TXNDC15: variants seen among roughly 807,000 people sequenced by gnomAD.
TXNDC15 encodes thioredoxin domain-containing protein 15.
A neutral mutation model predicts 35.0 loss-of-function variants in TXNDC15; 24 were observed. The observed-to-expected ratio is 0.68, with a 90% CI of 0.50 to 0.96. The LOEUF is 0.96. Among genes scored for constraint, TXNDC15 ranks in the 40% least tolerant of loss-of-function variants. The pLI, the probability that TXNDC15 is intolerant of heterozygous loss-of-function variation, is 0.00. For missense variants in TXNDC15, 385 were observed against 453.3 expected, an observed-to-expected ratio of 0.85 and a Z score of 1.37; for synonymous variants, 169 against 174.0, an observed-to-expected ratio of 0.97 and a Z score of 0.23.
Position 134,888,111 on chromosome 5 carries a change from A to C in TXNDC15, c.520A>C (p.Lys174Gln). 1 of 1,614,188 alleles carries C rather than the reference A, an allele frequency of 6.2e-7. No individual in the cohort carries two copies. Among genetic ancestry groups the C allele is most frequent in the Non-Finnish European group, 8.5e-7 (1 of 1,180,016 alleles). Residue 174 changes from lysine (K) to glutamine (Q), a missense_variant, in exon 2 of 5, where the codon AAG becomes CAG. Transcript: ENST00000358387. Reference sequence around the variant, plus strand: ...TAACACTGAAAGTCTGAAATCCCCAAAGGTGAACTGTGAGGAGAGAAACAT... The same window carrying C: ...TAACACTGAAAGTCTGAAATCCCCACAGGTGAACTGTGAGGAGAGAAACAT... ...SNNTESLKSP[K>Q]VNCEERNITG...
chr5:134,876,732 G>GTT lies in TXNDC15; in HGVS notation c.103+2219_103+2220dup, dbSNP rs532547885. On this transcript the variant is annotated intron_variant, in intron 1 of 4. Coordinates refer to ENST00000358387, the MANE Select transcript of TXNDC15 (RefSeq NM_024715.4). ...CTCAGAGTAGCTGAAAATCTGAGGTGTTTTTTTTTTTTTTTTTTCTGCAGA... is the reference window on the plus strand; with the variant it reads ...CTCAGAGTAGCTGAAAATCTGAGGTGTTTTTTTTTTTTTTTTTTTTCTGCAGA... Among the ~76,000 whole-genome samples, 48 of 131,012 alleles carry GTT rather than the reference G, an allele frequency of 3.7e-4. 1 individual carries two copies. Among genetic ancestry groups the GTT allele is most frequent in the South Asian group, 4.9e-4 (2 of 4,086 alleles). The allele number at this position is 131,012 out of a possible 152,430, so 85.9% of individuals were successfully genotyped here.
chr5:134,888,279 C>T, intron 2 of TXNDC15, 97 bp downstream of exon 2: 1 of 1,261,540 alleles, frequency 7.9e-7, no homozygotes, highest in East Asian at 2.4e-5. Context: ...TGATCTTGAT[C>T]ATATTGTAAG....
chr5:134,893,669 G>T lies in TXNDC15; in HGVS notation c.755+14G>T, dbSNP rs759242703. ...TCAGCACAGCAGGTATCTTCCATTG[G>T]TGGGGTTTACGTCCATCCTCCTGGC... is the stretch of plus-strand genomic sequence containing the variant. On this transcript the variant is annotated intron_variant, in intron 3 of 4. Coordinates refer to ENST00000358387, the MANE Select transcript of TXNDC15 (RefSeq NM_024715.4). The T allele has an allele frequency of 5.0e-6, 8 of 1,613,896 alleles. No individual in the cohort carries two copies. In the South Asian group the frequency reaches 7.7e-5, roughly 16 times the overall value.
intron 1 of TXNDC15, chr5:134,875,246 T>G (rs1432230782): frequency 2.0e-5 from 9 of 456,082 alleles, no homozygotes; most frequent in Non-Finnish European, 4.0e-5. Flanking sequence ...GGCCTTACTT[T>G]CATGCTCCTT....
In TXNDC15 at chr5:134,879,357, ATTC is replaced by A. The variant is rs138307276; in HGVS notation, c.103+4831_103+4833del. Among the ~76,000 whole-genome samples, 1,229 of 152,264 alleles carry A rather than the reference ATTC, an allele frequency of 8.1e-3. 8 individuals are homozygous for A. Among genetic ancestry groups the A allele is most frequent in the Middle Eastern group, 0.037 (11 of 294 alleles). ...TTATCCTGAGGTTCTTCGTTTTGGCATTCTTCATTTACTTGTGGAATCTAGAAT... is the reference window on the plus strand; with the variant it reads ...TTATCCTGAGGTTCTTCGTTTTGGCATTCATTTACTTGTGGAATCTAGAAT... On this transcript the variant is annotated intron_variant, in intron 1 of 4. Transcript: ENST00000358387.
At position 134,875,677 on chromosome 5, in the gene TXNDC15, TA is replaced by T. The variant is rs1228629171; in HGVS notation, c.103+1148del. On this transcript the variant is annotated intron_variant, in intron 1 of 4. Transcript: ENST00000358387. ...TCCCGGTTTATGTAATTTTTATTTT[TA>T]TTTTTTTTTGAGATGGAGTCTCGCT... 5.5e-4 allele frequency among the ~76,000 whole-genome samples: 84 copies of T among 151,986 alleles called. No individual in the cohort carries two copies. In the Middle Eastern group the frequency reaches 0.01, roughly 18 times the overall value.
chr5:134,878,703 A>T (rs1037734201), intron 1 of TXNDC15, among the ~76,000 whole-genome samples: 1 of 152,220 alleles, frequency 6.6e-6, no homozygotes, highest in African/African-American at 2.4e-5. Context: ...CAGTCTCTTA[A>T]AAGGCACATT....
At position 134,874,481 on chromosome 5, in the gene TXNDC15, G is replaced by A; in HGVS notation, c.54G>A (p.Trp18Ter). The A allele has an allele frequency of 1.2e-6, 2 of 1,606,422 alleles. No individual in the cohort carries two copies. The highest frequency in any genetic ancestry group is 8.5e-7 in the Non-Finnish European group (1 of 1,178,074). Residue 18 changes from tryptophan (W) to a stop codon, truncating the protein, a stop_gained, in exon 1 of 5, where the codon TGG becomes TGA. Coordinates refer to ENST00000358387, the MANE Select transcript of TXNDC15 (RefSeq NM_024715.4). LOFTEE classifies it high-confidence loss of function. ...RPPRVMRLLG[W>*]WQVLLWVLGL... ...CCCGCGTCATGCGGCTCCTCGGCTGGTGGCAAGTATTGCTGTGGGTGCTGG... is the reference window on the plus strand; with the variant it reads ...CCCGCGTCATGCGGCTCCTCGGCTGATGGCAAGTATTGCTGTGGGTGCTGG...
In TXNDC15 at chr5:134,899,721, A is replaced by G. The variant is rs767711029; in HGVS notation, c.*36A>G. ...AAAGAAGTTGGAAAGAGGAACTTCA[A>G]TCCTTCGTTTCAGAAATTAGTGCTA... is the stretch of plus-strand genomic sequence containing the variant. On this transcript the variant is annotated 3_prime_UTR_variant, in exon 5 of 5. Transcript: ENST00000358387. 10 of 1,506,350 alleles carry G rather than the reference A, an allele frequency of 6.6e-6. No homozygotes were observed. Among genetic ancestry groups the G allele is most frequent in the Non-Finnish European group, 8.9e-6 (10 of 1,120,704 alleles). 93.3% of individuals were successfully genotyped at this position (1,506,350 alleles called of 1,614,324 possible).
At chr5:134,894,582 C>G (rs1257796829) in intron 3 of TXNDC15, among the ~76,000 whole-genome samples, 1 of 152,002 alleles carries the variant, frequency 6.6e-6, no homozygotes, top group Non-Finnish European at 1.5e-5. Flanking sequence ...AGGCTGGTCT[C>G]GAACTCCTGA....
At chr5:134,897,293 A>G (rs1750509178) in intron 4 of TXNDC15, among the ~76,000 whole-genome samples, 1 of 151,306 alleles carries the variant, frequency 6.6e-6, no homozygotes, top group African/African-American at 2.4e-5. Flanking sequence ...TGTCACCCAG[A>G]CTGGAGTGCA....
chr5:134,880,440 A>G (rs368127230), intron 1 of TXNDC15, among the ~76,000 whole-genome samples: 1 of 142,452 alleles, frequency 7.0e-6, no homozygotes, highest in Non-Finnish European at 1.5e-5. Flanking sequence ...TTCACTTATT[A>G]TTTTTTTTTT....
intron 2 of TXNDC15, chr5:134,893,251 C>G: frequency 2.3e-6 from 1 of 435,998 alleles, no homozygotes; most frequent in Non-Finnish European, 4.1e-6. Flanking sequence ...TTAAAACTTT[C>G]TGCTTAATTC....
chr5:134,888,282 A>G, intron 2 of TXNDC15, 100 bp downstream of exon 2: 1 of 1,227,106 alleles, frequency 8.1e-7, no homozygotes, highest in Non-Finnish European at 1.1e-6. Context: ...TCTTGATCAT[A>G]TTGTAAGCGA....
At chr5:134,884,330 C>CTG (rs1750231399) in intron 1 of TXNDC15, among the ~76,000 whole-genome samples, 1 of 150,884 alleles carries the variant, frequency 6.6e-6, no homozygotes, top group South Asian at 2.1e-4. Context: ...CTCACCACAA[C>CTG]CTCTGCCTCC....
At chr5:134,896,864 C>T (rs568441403) in intron 4 of TXNDC15, among the ~76,000 whole-genome samples, 4 of 152,078 alleles carry the variant, frequency 2.6e-5, no homozygotes, top group Admixed American at 2.6e-4. Context: ...AGGATGGTCT[C>T]GATCTCCTGA....
rs369719793 is a variant in TXNDC15 at position 134,874,399 on chromosome 5, C to T, written c.-29C>T. ...CGGCTGGCAGCACGACTCGCGTAGC[C>T]GTGCGCCGATTGCCTCTCGGCCTGG... On this transcript the variant is annotated 5_prime_UTR_variant, in exon 1 of 5. Transcript: ENST00000358387. 2 of 1,567,264 alleles carry T rather than the reference C, an allele frequency of 1.3e-6. No individual in the cohort carries two copies. Among genetic ancestry groups the T allele is most frequent in the Admixed American group, 1.7e-5 (1 of 57,522 alleles).
At chr5:134,893,704 C>T (rs763764648) in intron 3 of TXNDC15, 49 bp downstream of exon 3, 3 of 1,609,782 alleles carry the variant, frequency 1.9e-6, no homozygotes, top group African/African-American at 2.7e-5. Flanking sequence ...CTGATGGTTG[C>T]AGTTATTTGG....
intron 2 of TXNDC15, among the ~76,000 whole-genome samples, chr5:134,891,341 C>A (rs754631397): frequency 6.6e-6 from 1 of 152,184 alleles, no homozygotes; most frequent in Non-Finnish European, 1.5e-5. Flanking sequence ...CTCCTTGATT[C>A]ATGGGCTGCA....
Sources: gnomAD v4.1 joint callset for allele counts (sites outside exome capture counted in the v4.1 genomes callset) on GRCh38, gnomAD v4.1.1 for gene constraint, MANE v1.5 for transcripts, NCBI Gene and HGNC (gene_info 2026-07-23, HGNC 2026-07-21) for gene names.